Variants in DOCK1 observed in about 807,000 individuals in gnomAD.
DOCK1 encodes dedicator of cytokinesis protein 1.
In DOCK1, 138 loss-of-function variants were observed where a neutral mutation model predicts 262.7. The observed-to-expected ratio is 0.53, with a 90% CI of 0.46 to 0.61. The LOEUF (loss-of-function observed/expected upper bound fraction) is 0.61. Among genes scored for constraint, DOCK1 ranks in the 20% least tolerant of loss-of-function variants. The probability of loss-of-function intolerance (pLI) is 0.00; values close to 1 mark genes in which losing one functional copy is unlikely to be tolerated. For missense variants in DOCK1, 1,908 were observed against 2,370.7 expected, an observed-to-expected ratio of 0.80 and a Z score of 4.05; for synonymous variants, 866 against 867.4, an observed-to-expected ratio of 1.00 and a Z score of 0.03.
intron 40 of DOCK1, among the ~76,000 whole-genome samples, chr10:127,406,849 T>A (rs1051353710): frequency 5.9e-5 from 9 of 152,354 alleles, no homozygotes; most frequent in African/African-American, 2.2e-4. Context: ...TATATACATT[T>A]TTATTATTAT....
At chr10:127,405,692 A>C (rs2067478830) in intron 40 of DOCK1, among the ~76,000 whole-genome samples, 1 of 152,132 alleles carries the variant, frequency 6.6e-6, no homozygotes, top group Non-Finnish European at 1.5e-5. Context: ...CCCCTTAGGA[A>C]GGGCATGTCA....
chr10:126,940,720 G>A (rs2034920613), intron 1 of DOCK1, among the ~76,000 whole-genome samples: 9 of 152,092 alleles, frequency 5.9e-5, no homozygotes, highest in Admixed American at 5.9e-4. Context: ...ACCTATTTTA[G>A]TAAACAAACT....
intron 27 of DOCK1, among the ~76,000 whole-genome samples, chr10:127,147,733 A>G (rs373042199): frequency 3.3e-5 from 5 of 152,066 alleles, no homozygotes; most frequent in African/African-American, 1.2e-4. Context: ...GTGGTTGTTT[A>G]AAATTCCACC....
intron 18 of DOCK1, among the ~76,000 whole-genome samples, chr10:127,036,996 AAG>A (rs1564751785): frequency 6.6e-6 from 1 of 150,702 alleles, no homozygotes; most frequent in South Asian, 2.1e-4. Context: ...AAAAAAAAAA[AAG>A]AAAAAGAATA....
chr10:127,399,120 C>T (rs2296633), intron 38 of DOCK1, among the ~76,000 whole-genome samples: 6 of 152,052 alleles, frequency 3.9e-5, no homozygotes, highest in East Asian at 1.9e-4. Flanking sequence ...GACCGTGCTC[C>T]GTGCTGCAAG....
chr10:127,428,918 G>GGGGTGCTGTGTGGATTT (rs1554967524), intron 47 of DOCK1, among the ~76,000 whole-genome samples: 1 of 131,532 alleles, frequency 7.6e-6, no homozygotes. Flanking sequence ...CGTGTGGATT[G>GGGGTGCTGTGTGGATTT]GGGTACCGTG....
In DOCK1 at chr10:127,391,358, T is replaced by C. The variant is rs375244219; in HGVS notation, c.3927+6449T>C. Among the ~76,000 whole-genome samples, 10 of 151,940 alleles carry C rather than the reference T, an allele frequency of 6.6e-5. No homozygotes were observed. In the East Asian group the frequency reaches 1.9e-3, roughly 29 times the overall value. On this transcript the variant is annotated intron_variant, in intron 38 of 51. Transcript: ENST00000623213. ...CTTAAGGAAATACAGATGAGGCAAA[T>C]AGGAGAGAGGTAGAAACAGGCAGCT... is the stretch of plus-strand genomic sequence containing the variant.
intron 44 of DOCK1, among the ~76,000 whole-genome samples, chr10:127,415,837 T>C (rs1249025545): frequency 1.3e-5 from 2 of 152,156 alleles, no homozygotes; most frequent in Non-Finnish European, 2.9e-5. Context: ...TGAACCAGAG[T>C]TGGGCTGCAG....
At chr10:127,309,256 A>G (rs1033252489) in intron 29 of DOCK1, among the ~76,000 whole-genome samples, 19 of 151,814 alleles carry the variant, frequency 1.3e-4, no homozygotes, top group African/African-American at 4.6e-4. Flanking sequence ...ATGTCTGTTC[A>G]TATCCTTTGC....
intron 29 of DOCK1, among the ~76,000 whole-genome samples, chr10:127,272,956 A>T (rs1334704621): frequency 6.6e-6 from 1 of 152,184 alleles, no homozygotes; most frequent in South Asian, 2.1e-4. Flanking sequence ...GGTCCCTCCC[A>T]CAACATGTGG....
In DOCK1 at chr10:126,963,671, C is replaced by CT. The variant is rs1245345100; in HGVS notation, c.47-7030dup. Among the ~76,000 whole-genome samples, 202 of 118,252 alleles carry CT rather than the reference C, an allele frequency of 1.7e-3. 5 individuals are homozygous for CT. Among genetic ancestry groups the CT allele is most frequent in the African/African-American group, 6.4e-3 (178 of 27,910 alleles). 77.6% of individuals were successfully genotyped at this position (118,252 alleles called of 152,430 possible). On this transcript the variant is annotated intron_variant, in intron 1 of 51. Transcript: ENST00000623213. The stretch of plus-strand genomic sequence containing the variant: ...CCTTCCTTCCTTCCTTCCTTCCTTC[C>CT]TCCCTCCCTTCCTCCCTTCCTTCCT...
At chr10:126,965,042 T>A (rs1157473697) in intron 1 of DOCK1, among the ~76,000 whole-genome samples, 1 of 152,230 alleles carries the variant, frequency 6.6e-6, no homozygotes, top group Non-Finnish European at 1.5e-5. Context: ...CAATGATTAA[T>A]AAATATTTAC....
At chr10:127,190,206 C>T (rs1234687507) in intron 27 of DOCK1, among the ~76,000 whole-genome samples, 2 of 152,198 alleles carry the variant, frequency 1.3e-5, no homozygotes, top group Non-Finnish European at 2.9e-5. Flanking sequence ...CCAAAGGAAT[C>T]GCTGAGGTTG....
intron 38 of DOCK1, among the ~76,000 whole-genome samples, chr10:127,386,893 T>C (rs1022891111): frequency 6.6e-6 from 1 of 152,158 alleles, no homozygotes; most frequent in Non-Finnish European, 1.5e-5. Flanking sequence ...GCTTTGAGGA[T>C]TAGGGCCAAT....
At chr10:126,911,349 G>T (rs2031729994) in intron 1 of DOCK1, among the ~76,000 whole-genome samples, 2 of 152,192 alleles carry the variant, frequency 1.3e-5, no homozygotes, top group Admixed American at 6.5e-5. Flanking sequence ...CACCCAGGGG[G>T]TGCTGGTGGG....
rs528947051 is a variant in DOCK1, at chr10:127,164,159, CTTTTTTTTTTTTTTTTTTTTTTTT to C, written c.2847+36414_2847+36437del. On this transcript the variant is annotated intron_variant, in intron 27 of 51. Transcript: ENST00000623213. ...CTTTGTCTTCCCTGTCATTTGCCTC[CTTTTTTTTTTTTTTTTTTTTTTTT>C]TTTTTTTTTTTTTTTTTTGAGACAG... 1.4e-3 allele frequency among the ~76,000 whole-genome samples: 89 copies of C among 63,580 alleles called. 1 individual carries two copies. Among genetic ancestry groups the C allele is most frequent in the Admixed American group, 2.5e-3 (11 of 4,320 alleles). 41.7% of individuals were successfully genotyped at this position (63,580 alleles called of 152,430 possible).
intron 29 of DOCK1, 172 bp downstream of exon 29, chr10:127,257,601 T>C (rs2059872215): frequency 2.0e-6 from 1 of 510,532 alleles, no homozygotes; most frequent in Admixed American, 3.1e-5. Flanking sequence ...GAGTTTGTGG[T>C]GACTTCCTTA....
intron 1 of DOCK1, among the ~76,000 whole-genome samples, chr10:126,917,142 G>C (rs1232404657): frequency 6.6e-6 from 1 of 152,178 alleles, no homozygotes; most frequent in Non-Finnish European, 1.5e-5. Context: ...GAGCAGCTCT[G>C]GGCAACACCC....
intron 27 of DOCK1, among the ~76,000 whole-genome samples, chr10:127,178,131 T>A (rs1453619540): frequency 2.0e-5 from 3 of 152,158 alleles, no homozygotes; most frequent in African/African-American, 4.8e-5. Flanking sequence ...TAAAAGTAAG[T>A]GACATGACTA....
Sources: gnomAD v4.1 joint callset for allele counts (sites outside exome capture counted in the v4.1 genomes callset) on GRCh38, gnomAD v4.1.1 for gene constraint, MANE v1.5 for transcripts, NCBI Gene and HGNC (gene_info 2026-07-23, HGNC 2026-07-21) for gene names.